The following NREP variants were observed in gnomAD, a reference collection of about 807,000 sequenced individuals.
The protein encoded by NREP is neuronal regeneration-related protein.
NREP carries 5 observed loss-of-function variants against 8.6 expected under a neutral mutation model. That is an observed-to-expected ratio of 0.58 (90% CI 0.30 to 1.22). The LOEUF (loss-of-function observed/expected upper bound fraction) is 1.22. Ranked by LOEUF, NREP falls within the 50% of genes most tolerant of loss-of-function variation. The probability of loss-of-function intolerance (pLI) is 0.07; values close to 1 mark genes in which losing one functional copy is unlikely to be tolerated. For synonymous variants in NREP, 27 were observed against 28.0 expected, an observed-to-expected ratio of 0.96 and a Z score of 0.11; for missense variants, 86 against 82.5, an observed-to-expected ratio of 1.04 and a Z score of -0.17.
intron 2 of NREP, among the ~76,000 whole-genome samples, chr5:111,802,593 A>G (rs1752039545): frequency 6.6e-6 from 1 of 152,210 alleles, no homozygotes; most frequent in Non-Finnish European, 1.5e-5. Context: ...ACAAATGTAA[A>G]AAACAACAAA....
chr5:111,943,851 A>G (rs1041829794), intron 2 of NREP, among the ~76,000 whole-genome samples: 13 of 152,136 alleles, frequency 8.5e-5, no homozygotes, highest in African/African-American at 2.9e-4. Flanking sequence ...ACTCCTGGTC[A>G]TATTTTGCTG....
chr5:111,895,495 T>C lies in NREP; in HGVS notation c.135+79779A>G, dbSNP rs189165248. ...AGCAGGTTATATGATAGAGAACCCC[T>C]GGGATGGTAGTGAATTTGCCAGGCA... On this transcript the variant is annotated intron_variant, in intron 2 of 3. Coordinates refer to the NREP transcript ENST00000395634. Among the ~76,000 whole-genome samples the C allele has an allele frequency of 6.8e-3, 1,036 of 152,102 alleles. 17 individuals carry two copies. The highest frequency in any genetic ancestry group is 0.024 in the African/African-American group (998 of 41,474).
chr5:111,879,176 G>A (rs1753985060), intron 2 of NREP, among the ~76,000 whole-genome samples: 1 of 152,102 alleles, frequency 6.6e-6, no homozygotes, highest in Non-Finnish European at 1.5e-5. Flanking sequence ...GTGACATGCT[G>A]GCTCCCCCCT....
intron 2 of NREP, among the ~76,000 whole-genome samples, chr5:111,970,834 A>AC: frequency 6.6e-6 from 1 of 150,708 alleles, no homozygotes; most frequent in Non-Finnish European, 1.5e-5. Flanking sequence ...TCAAAAAAAA[A>AC]AAAAAAAAAA....
At chr5:111,928,081 G>C (rs1181934611) in intron 2 of NREP, among the ~76,000 whole-genome samples, 1 of 152,102 alleles carries the variant, frequency 6.6e-6, no homozygotes, top group African/African-American at 2.4e-5. Flanking sequence ...CTCTCCACTT[G>C]ACAGTTGCAC....
chr5:111,970,444 C>G (rs1041209940), intron 2 of NREP, among the ~76,000 whole-genome samples: 1 of 152,164 alleles, frequency 6.6e-6, no homozygotes, highest in African/African-American at 2.4e-5. Flanking sequence ...CTGTCTCAAG[C>G]TCCTAAGGAC....
At chr5:111,851,455 A>G (rs1230997476) in intron 2 of NREP, among the ~76,000 whole-genome samples, 3 of 152,200 alleles carry the variant, frequency 2.0e-5, no homozygotes, top group Admixed American at 6.6e-5. Context: ...ATGTGTGTGT[A>G]CATATATAGA....
intron 2 of NREP, among the ~76,000 whole-genome samples, chr5:111,942,111 T>G (rs1333952562): frequency 6.6e-6 from 1 of 152,106 alleles, no homozygotes; most frequent in Non-Finnish European, 1.5e-5. Flanking sequence ...AACAGTTATA[T>G]TAACTTAGCT....
At position 111,974,947 on chromosome 5, in the gene NREP, G is replaced by A. The variant is rs189400622; in HGVS notation, c.135+327C>T. On this transcript the variant is annotated intron_variant, in intron 2 of 3. Transcript: ENST00000395634. ...ATCACATACTGAGAACAAAGACCACGTGAGTTCCAAGAATGGAGGGAATGC... is the reference window on the plus strand; with the variant it reads ...ATCACATACTGAGAACAAAGACCACATGAGTTCCAAGAATGGAGGGAATGC... Among the ~76,000 whole-genome samples, 36 of 152,310 alleles carry A rather than the reference G, an allele frequency of 2.4e-4. No individual in the cohort carries two copies. The East Asian group carries it at 6.8e-3, about 29-fold the overall frequency.
In NREP at chr5:111,730,919, G is replaced by A. The variant is rs552105977; in HGVS notation, c.*2C>T. 2.0e-5 allele frequency: 33 copies of A among 1,613,684 alleles called. No homozygotes were observed. The highest frequency in any genetic ancestry group is 3.3e-4 in the Middle Eastern group (2 of 6,048). On this transcript the variant is annotated 3_prime_UTR_variant, in exon 4 of 4. Coordinates refer to ENST00000257435, the MANE Select transcript of NREP (RefSeq NM_004772.4). ...TATGTAATACAAATGGAGGTGTTACGATTAAAAAAAGTGGAGGTAACTGAT... is the reference window on the plus strand; with the variant it reads ...TATGTAATACAAATGGAGGTGTTACAATTAAAAAAAGTGGAGGTAACTGAT...
intron 2 of NREP, among the ~76,000 whole-genome samples, chr5:111,898,178 T>A (rs1306671579): frequency 1.3e-5 from 2 of 152,124 alleles, no homozygotes; most frequent in African/African-American, 2.4e-5. Flanking sequence ...AAAGGCTCAA[T>A]CTGGCTGTTA....
At chr5:111,871,657 A>G (rs79135235) in intron 2 of NREP, among the ~76,000 whole-genome samples, 8,017 of 151,952 alleles carry the variant, frequency 0.053, 262 homozygotes, top group Non-Finnish European at 0.072. Context: ...CTATTTTAAA[A>G]AAATCTTTTA....
chr5:111,760,987 T>A (rs949185107), upstream of NREP, among the ~76,000 whole-genome samples: 1 of 152,218 alleles, frequency 6.6e-6, no homozygotes, highest in Non-Finnish European at 1.5e-5. Context: ...ATGTCATTGC[T>A]TGGGGTAACC....
At chr5:111,884,478 G>A (rs1168956097) in intron 2 of NREP, among the ~76,000 whole-genome samples, 1 of 152,170 alleles carries the variant, frequency 6.6e-6, no homozygotes, top group African/African-American at 2.4e-5. Flanking sequence ...ATTTTATGAG[G>A]CCAGCATCAT....
intron 2 of NREP, among the ~76,000 whole-genome samples, chr5:111,745,541 TCAAA>T (rs897190331): frequency 3.9e-5 from 6 of 152,188 alleles, no homozygotes; most frequent in African/African-American, 1.4e-4. Context: ...AAATGAACTC[TCAAA>T]CAGTTCCTTC....
At chr5:111,742,224 AT>A (rs1422591157) in intron 2 of NREP, among the ~76,000 whole-genome samples, 2 of 152,128 alleles carry the variant, frequency 1.3e-5, no homozygotes, top group African/African-American at 2.4e-5. Flanking sequence ...AAGGCAAAAG[AT>A]TTACAATTCT....
intron 2 of NREP, among the ~76,000 whole-genome samples, chr5:111,893,602 A>G (rs1201185158): frequency 2.0e-5 from 3 of 151,186 alleles, no homozygotes; most frequent in South Asian, 2.1e-4. Context: ...TGAAAAATAC[A>G]TCTATCTTAA....
At chr5:111,789,779 T>C (rs1239358675) in intron 2 of NREP, among the ~76,000 whole-genome samples, 1 of 152,118 alleles carries the variant, frequency 6.6e-6, no homozygotes, top group African/African-American at 2.4e-5. Context: ...CAAGAAATAG[T>C]CTTGAGCCAA....
At chr5:111,942,934 A>T (rs1755871283) in intron 2 of NREP, among the ~76,000 whole-genome samples, 1 of 151,948 alleles carries the variant, frequency 6.6e-6, no homozygotes, top group Admixed American at 6.6e-5. Context: ...TTTGAAACTG[A>T]ATCAGTTAAA....
Sources: gnomAD v4.1 joint callset for allele counts (sites outside exome capture counted in the v4.1 genomes callset) on GRCh38, gnomAD v4.1.1 for gene constraint, MANE v1.5 for transcripts, NCBI Gene and HGNC (gene_info 2026-07-23, HGNC 2026-07-21) for gene names.